The following KRT2 variants were observed in gnomAD, a reference collection of about 807,000 sequenced individuals.
KRT2 encodes the protein keratin 2.
Under a neutral mutation model 48.5 loss-of-function variants are expected in KRT2, and 37 were observed. The ratio of observed to expected loss-of-function variants is 0.76; its 90% CI spans 0.59 to 1.00. KRT2 has a LOEUF of 1.00. KRT2 is among the 50% of genes least tolerant of loss of function. The pLI, the probability that KRT2 is intolerant of heterozygous loss-of-function variation, is 0.00. For synonymous variants in KRT2, 324 were observed against 312.2 expected (o/e 1.04, Z -0.40); for missense variants, 880 against 815.2 (o/e 1.08, Z -0.97).
rs1326214663 is a variant in KRT2, at chr12:52,645,022, T to C, written c.1917A>G (p.Arg639=). 1 of 1,613,966 alleles carries C rather than the reference T, an allele frequency of 6.2e-7. No individual in the cohort carries two copies. Among genetic ancestry groups the C allele is most frequent in the Admixed American group, 1.7e-5 (1 of 60,002 alleles). The change falls in exon 9 of 9, where the codon AGA becomes AGG. Residue 639 remains arginine, a synonymous_variant. Transcript: ENST00000309680. ...AFGSSVTFSF[R] ...CGGTGGTGGTGGGGGCTCATCTTTA[T>C]CTAAAAGAGAAGGTCACGCTGGAAC...
At chr12:52,650,764 C>A in intron 1 of KRT2, 1 of 615,576 alleles carries the variant, frequency 1.6e-6, no homozygotes, top group Non-Finnish European at 2.9e-6. Context: ...GCTCTCTCCA[C>A]GCAGAGGAGA....
chr12:52,645,649 A>G (rs746179907), intron 7 of KRT2, 80 bp from the exon 8 acceptor site: 5 of 1,443,994 alleles, frequency 3.5e-6, no homozygotes, highest in Admixed American at 1.7e-5. Context: ...TTCCACCCGC[A>G]AATGTGCAGT....
rs369772810 is a variant in KRT2, at chr12:52,645,803, A to G, written c.1470-234T>C. On this transcript the variant is annotated intron_variant, in intron 7 of 8. Transcript: ENST00000309680. ...CAATTTTTGCTCTGATAAAAAATGA[A>G]CAGTTGCGTGGTTGATCCAAGGTCA... Among the ~76,000 whole-genome samples, 7 of 152,370 alleles carry G rather than the reference A, an allele frequency of 4.6e-5. No individual in the cohort carries two copies. In the East Asian group the frequency reaches 1.3e-3, roughly 29 times the overall value.
At chr12:52,646,327 C>T (rs887199479) in intron 7 of KRT2, among the ~76,000 whole-genome samples, 2 of 152,178 alleles carry the variant, frequency 1.3e-5, no homozygotes, top group South Asian at 2.1e-4. Context: ...CCGGTCAGCA[C>T]GTCCCCACCA....
Position 52,651,595 on chromosome 12 carries a change from T to TG in KRT2, c.547_548insC (p.Lys183ThrfsTer12). 1 of 1,614,194 alleles carries TG rather than the reference T, an allele frequency of 6.2e-7. No homozygotes were observed. The highest frequency in any genetic ancestry group is 8.5e-7 in the Non-Finnish European group (1 of 1,180,042). ...GGAGGCAAATTTGTTGTTGAGAGTT[T>TG]TGATCTGCTCACGCTCTTGGGCCTT... On this transcript the variant is annotated frameshift_variant, in exon 1 of 9. Transcript: ENST00000309680. LOFTEE classifies it high-confidence loss of function.
chr12:52,652,020 G>A lies in KRT2; in HGVS notation c.123C>T (p.Ser41=), dbSNP rs1941262089. 3.7e-6 allele frequency: 6 copies of A among 1,609,460 alleles called. No homozygotes were observed. Among genetic ancestry groups the A allele is most frequent in the Non-Finnish European group, 3.4e-6 (4 of 1,179,906 alleles). The change falls in exon 1 of 9, where the codon TCC becomes TCT. Residue 41 remains serine (S), a synonymous_variant. Coordinates refer to ENST00000309680, the MANE Select transcript of KRT2 (RefSeq NM_000423.3). The part of the protein sequence containing the change: ...GGSRRSTSSF[S]CLSRHGGGGG... ...CACCACCACCATGGCGGCTCAAGCA[G>A]GAGAAGCTGGAAGTTGATCTCCGGC...
intron 5 of KRT2, 53 bp downstream of exon 5, chr12:52,648,120 C>T (rs1941195581): frequency 1.3e-6 from 2 of 1,577,078 alleles, no homozygotes; most frequent in African/African-American, 1.3e-5. Context: ...GCTGGGGGTG[C>T]AACCCAGCTC....
At position 52,645,199 on chromosome 12, in the gene KRT2, C is replaced by A. The variant is rs1357219931; in HGVS notation, c.1740G>T (p.Lys580Asn). 5.6e-6 allele frequency: 9 copies of A among 1,613,718 alleles called. No individual in the cohort carries two copies. Among genetic ancestry groups the A allele is most frequent in the Non-Finnish European group, 6.8e-6 (8 of 1,179,888 alleles). ...ATCCTCCTCCAGAGATGGACCCTCC[C>A]TTAGAGCCACCACCAGATCCGTATC... ...GGRYGSGGGS[K>N]GGSISGGGYG... The change falls in exon 9 of 9, where the codon AAG (lysine) becomes AAT (asparagine). Residue 580 changes from lysine to asparagine, a missense_variant. Coordinates refer to ENST00000309680, the MANE Select transcript of KRT2 (RefSeq NM_000423.3).
chr12:52,647,612 G>T, intron 6 of KRT2, 118 bp downstream of exon 6: 5 of 1,216,578 alleles, frequency 4.1e-6, no homozygotes, highest in Non-Finnish European at 5.9e-6. Flanking sequence ...ATCGATACAT[G>T]CTAGAGTGCA....
intron 3 of KRT2, among the ~76,000 whole-genome samples, chr12:52,649,456 C>T (rs1249119119): frequency 6.6e-6 from 1 of 152,188 alleles, no homozygotes; most frequent in Non-Finnish European, 1.5e-5. Context: ...GTCTGTCCAT[C>T]TCACCTCTCC....
chr12:52,651,719 C>T lies in KRT2; in HGVS notation c.424G>A (p.Gly142Arg). 1 of 1,614,108 alleles carries T rather than the reference C, an allele frequency of 6.2e-7. No individual in the cohort carries two copies. Among genetic ancestry groups the T allele is most frequent in the Non-Finnish European group, 8.5e-7 (1 of 1,180,010 alleles). The change falls in exon 1 of 9, where the codon GGG (glycine) becomes AGG (arginine). Residue 142 changes from glycine (G) to arginine (R), a missense_variant. Physicochemically the swap from Gly to Arg is moderately radical, Grantham distance 125. Transcript: ENST00000309680. The part of the protein sequence containing the change: ...VGGLGGPGGF[G>R]PGGYPGGIHE... ...ATGCCACCAGGGTATCCTCCAGGCCCAAAGCCACCAGGACCCCCTAAACCT... is the reference window on the plus strand; with the variant it reads ...ATGCCACCAGGGTATCCTCCAGGCCTAAAGCCACCAGGACCCCCTAAACCT...
chr12:52,647,070 C>G (rs1941178596), intron 6 of KRT2, 110 bp from the exon 7 acceptor site: 2 of 975,598 alleles, frequency 2.1e-6, no homozygotes, highest in Non-Finnish European at 3.2e-6. Context: ...GTTAGGTCCC[C>G]TCTGGAGTTT....
chr12:52,647,929 G>A, intron 5 of KRT2, 74 bp from the exon 6 acceptor site: 1 of 1,589,590 alleles, frequency 6.3e-7, no homozygotes, highest in Non-Finnish European at 8.6e-7. Context: ...CTGGAGTGAA[G>A]GAGAGCTGGT....
At position 52,648,329 on chromosome 12, in the gene KRT2, G is replaced by A. The variant is rs767592404; in HGVS notation, c.966C>T (p.Ser322=). ...FLKVLYDAEI[S]QIHQSVTDTN... ...TGTCAGTGACACTCTGATGTATCTG[G>A]GATATCTCCTACAACACACAGGAAG... is the stretch of plus-strand genomic sequence containing the variant. The change falls in exon 5 of 9, where the codon TCC becomes TCT. Residue 322 remains serine (S), a synonymous_variant. Coordinates refer to ENST00000309680, the MANE Select transcript of KRT2 (RefSeq NM_000423.3). 9.3e-6 allele frequency: 15 copies of A among 1,613,916 alleles called. 1 individual carries two copies. In the South Asian group the frequency reaches 1.6e-4, roughly 18 times the overall value.
intron 5 of KRT2, 23 bp downstream of exon 5, chr12:52,648,150 C>G (rs377717292): frequency 2.5e-6 from 4 of 1,613,522 alleles, no homozygotes; most frequent in Non-Finnish European, 3.4e-6. Flanking sequence ...AGCTGTGGCT[C>G]TTCCTACATT....
rs1941148994 is a variant in KRT2 at position 52,645,381 on chromosome 12, C to G, written c.1558G>C (p.Gly520Arg). 6.2e-7 allele frequency: 1 copy of G among 1,614,114 alleles called. No homozygotes were observed. Among genetic ancestry groups the G allele is most frequent in the East Asian group, 2.2e-5 (1 of 44,900 alleles). ...SNVASKAAFG[G>R]SGGRGSSSGG... The stretch of plus-strand genomic sequence containing the variant: ...GAACTGGACCCTCTACCTCCAGAAC[C>G]TCCAAAGGCAGCCTTGGATGCCACA... The change falls in exon 9 of 9, where the codon GGT (glycine) becomes CGT (arginine). Residue 520 changes from glycine to arginine, a missense_variant. Gly to Arg is a moderately radical substitution (Grantham distance 125). Transcript: ENST00000309680.
chr12:52,649,690 C>G (rs1941219816), intron 3 of KRT2, among the ~76,000 whole-genome samples: 1 of 152,198 alleles, frequency 6.6e-6, no homozygotes, highest in South Asian at 2.1e-4. Flanking sequence ...TGGGTTACTA[C>G]TGGGAAGCAC....
At chr12:52,646,082 G>A (rs904396239) in intron 7 of KRT2, among the ~76,000 whole-genome samples, 4 of 152,124 alleles carry the variant, frequency 2.6e-5, no homozygotes, top group African/African-American at 9.7e-5. Context: ...CTCTAGACAG[G>A]GACAGAGCAA....
chr12:52,651,556 A>C lies in KRT2; in HGVS notation c.585+2T>G. The C allele has an allele frequency of 6.2e-7, 1 of 1,608,576 alleles. No homozygotes were observed. The highest frequency in any genetic ancestry group is 8.5e-7 in the Non-Finnish European group (1 of 1,174,938). The stretch of plus-strand genomic sequence containing the variant: ...AGTGGGAGCCGTCTTCTCCAGAGTC[A>C]CCTTGTCAATGAAGGAGGCAAATTT... On this transcript the variant is annotated splice_donor_variant, in intron 1 of 8. Transcript: ENST00000309680. LOFTEE classifies it high-confidence loss of function.
Sources: gnomAD v4.1 joint callset for allele counts (sites outside exome capture counted in the v4.1 genomes callset) on GRCh38, gnomAD v4.1.1 for gene constraint, MANE v1.5 for transcripts, NCBI Gene and HGNC (gene_info 2026-07-23, HGNC 2026-07-21) for gene names.